Variants in AMZ1 observed in about 807,000 individuals in gnomAD.
The protein encoded by AMZ1 is archaemetzincin-1.
AMZ1 carries 39 observed loss-of-function variants against 29.9 expected under a neutral mutation model. That is an observed-to-expected ratio of 1.30 (90% CI 1.01 to 1.70). The LOEUF (loss-of-function observed/expected upper bound fraction) is 1.70. Among genes scored for constraint, AMZ1 ranks in the 40% most tolerant of loss-of-function variants. AMZ1 has a pLI of 0.00. For missense variants in AMZ1, 1,041 were observed against 680.6 expected (o/e 1.53, Z -5.89); for synonymous variants, 458 against 304.0 (o/e 1.51, Z -5.27).
At chr7:2,685,883 T>C (rs1009371365), upstream of AMZ1, among the ~76,000 whole-genome samples, 3 of 149,300 alleles carry the variant, frequency 2.0e-5, no homozygotes, top group Admixed American at 1.3e-4. Context: ...AAAAAGAACA[T>C]TCATCTTTTC....
intron 2 of AMZ1, 61 bp from the exon 3 acceptor site, chr7:2,702,661 G>A (rs767091485): frequency 2.0e-5 from 29 of 1,471,350 alleles, no homozygotes; most frequent in Non-Finnish European, 2.0e-5. Flanking sequence ...AGTGATTCCC[G>A]GGGAGAGGGT....
Position 2,713,946 on chromosome 7 carries a change from G to C in AMZ1, c.*1068G>C, listed in dbSNP as rs1788965747. On this transcript the variant is annotated 3_prime_UTR_variant, in exon 7 of 7. Transcript: ENST00000683327. ...TTTCGGTCTAGTTCTGTCAGTTGCT[G>C]AGAGAGGGGTATTATTGCCATGGCT... 1 of 152,150 alleles carries C rather than the reference G, an allele frequency of 6.6e-6. No homozygotes were observed. Among genetic ancestry groups the C allele is most frequent in the African/African-American group, 2.4e-5 (1 of 41,400 alleles). 9.4% of individuals were successfully genotyped at this position (152,150 alleles called of 1,614,324 possible). A position where few individuals can be genotyped will look rare whatever the true frequency, so the allele number is the denominator to read the frequency against.
chr7:2,728,484 AAG>A (rs1789722865), intron 4 of AMZ1: 1 of 152,390 alleles, frequency 6.6e-6, no homozygotes, highest in African/African-American at 2.4e-5. Context: ...CTACGAACAT[AAG>A]AGTTAAAAAT....
upstream of AMZ1, among the ~76,000 whole-genome samples, chr7:2,760,737 C>T (rs755280399): frequency 2.0e-5 from 3 of 152,338 alleles, no homozygotes; most frequent in South Asian, 2.1e-4. Context: ...AGTTTAGCTA[C>T]GACCATTTCT....
chr7:2,696,763 G>T (rs1055254034), intron 1 of AMZ1, among the ~76,000 whole-genome samples: 1 of 152,028 alleles, frequency 6.6e-6, no homozygotes, highest in Non-Finnish European at 1.5e-5. Context: ...GTGGGTGCCT[G>T]TAGTCCCAAC....
intron 1 of AMZ1, among the ~76,000 whole-genome samples, chr7:2,695,927 T>G (rs1197018737): frequency 6.6e-6 from 1 of 150,380 alleles, no homozygotes; most frequent in Non-Finnish European, 1.5e-5. Flanking sequence ...GGAGAATCGC[T>G]TGAACCCGGA....
intron 4 of AMZ1, among the ~76,000 whole-genome samples, chr7:2,737,140 T>C (rs755766179): frequency 1.6e-4 from 24 of 152,078 alleles, no homozygotes; most frequent in Admixed American, 1.2e-3. Flanking sequence ...GATGTAAGCG[T>C]CTAAGTAGGG....
rs543952164 is a variant in AMZ1, at chr7:2,698,405, G to A, written c.-218-1829G>A. Among the ~76,000 whole-genome samples the A allele has an allele frequency of 5.9e-5, 9 of 151,812 alleles. No homozygotes were observed. In the South Asian group the frequency reaches 6.3e-4, roughly 11 times the overall value. ...ACACAAAAATTAGCCTAGCATGGTC[G>A]GGGGCACCTGTAATCCCAGCCACTT... is the stretch of plus-strand genomic sequence containing the variant. On this transcript the variant is annotated intron_variant, in intron 1 of 6. Coordinates refer to ENST00000683327, the MANE Select transcript of AMZ1 (RefSeq NM_001384743.1).
chr7:2,732,743 A>C (rs1185688361), intron 4 of AMZ1, among the ~76,000 whole-genome samples: 1 of 152,196 alleles, frequency 6.6e-6, no homozygotes, highest in African/African-American at 2.4e-5. Flanking sequence ...GTGGAAGAGC[A>C]AAGTCCACAT....
upstream of AMZ1, among the ~76,000 whole-genome samples, chr7:2,685,685 T>G (rs1787052444): frequency 1.3e-5 from 2 of 151,256 alleles, no homozygotes; most frequent in Non-Finnish European, 1.5e-5. Context: ...AAACCCCATC[T>G]CTACTAAAAA....
chr7:2,743,849 T>TA (rs1376010235), intron 4 of AMZ1, among the ~76,000 whole-genome samples: 1 of 151,900 alleles, frequency 6.6e-6, no homozygotes, highest in Non-Finnish European at 1.5e-5. Flanking sequence ...CCAACAGGCT[T>TA]AAAAAACGGC....
At position 2,719,336 on chromosome 7, in the gene AMZ1, A is replaced by G. The variant is rs1274285509; in HGVS notation, c.*6458A>G. Among the ~76,000 whole-genome samples the G allele has an allele frequency of 6.6e-6, 1 of 152,224 alleles. No homozygotes were observed. The highest frequency in any genetic ancestry group is 1.5e-5 in the Non-Finnish European group (1 of 68,036). Reference sequence around the variant, plus strand: ...ACCTGATGTCTGTCACGGACCCCCAAGCAGGAGCAATGCCTAAAGAGGGCA... The same window carrying G: ...ACCTGATGTCTGTCACGGACCCCCAGGCAGGAGCAATGCCTAAAGAGGGCA... On this transcript the variant is annotated 3_prime_UTR_variant, in exon 7 of 7. Coordinates refer to ENST00000683327, the MANE Select transcript of AMZ1 (RefSeq NM_001384743.1).
At position 2,713,733 on chromosome 7, in the gene AMZ1, C is replaced by T. The variant is rs562637858; in HGVS notation, c.*855C>T. On this transcript the variant is annotated 3_prime_UTR_variant, in exon 7 of 7. Coordinates refer to ENST00000683327, the MANE Select transcript of AMZ1 (RefSeq NM_001384743.1). ...CTCCAGGCATCTCTTCTGACAAACA[C>T]TGCAGGAGGTGAGGGTGTCTGACGT... The T allele has an allele frequency of 3.9e-5, 6 of 152,670 alleles. No individual in the cohort carries two copies. The highest frequency in any genetic ancestry group is 8.8e-5 in the Non-Finnish European group (6 of 68,176). 9.5% of individuals were successfully genotyped at this position (152,670 alleles called of 1,614,324 possible). A position where few individuals can be genotyped will look rare whatever the true frequency, so the allele number is the denominator to read the frequency against.
rs1204362699 is a variant in AMZ1, at chr7:2,712,746, CAG to C, written c.1366_1367del (p.Ser456GlnfsTer91). On this transcript the variant is annotated frameshift_variant, in exon 7 of 7. Coordinates refer to ENST00000683327, the MANE Select transcript of AMZ1 (RefSeq NM_001384743.1). LOFTEE classifies it low-confidence loss of function (END_TRUNC). The part of the protein sequence containing the change: ...QLPATRQDPP[S>X]SRDSVGLRKV... The stretch of plus-strand genomic sequence containing the variant: ...TCCCGGCCACCAGGCAGGACCCACC[CAG>C]CAGCAGGGACAGCGTGGGGCTGCGC... 1.2e-5 allele frequency: 19 copies of C among 1,604,832 alleles called. No individual in the cohort carries two copies. The highest frequency in any genetic ancestry group is 1.4e-5 in the Non-Finnish European group (16 of 1,174,808).
At chr7:2,720,028 G>C (rs185427619), downstream of AMZ1, among the ~76,000 whole-genome samples, 1 of 152,204 alleles carries the variant, frequency 6.6e-6, no homozygotes, top group Non-Finnish European at 1.5e-5. Flanking sequence ...ATGAAATTCT[G>C]GAAGGCTAAA....
intron 4 of AMZ1, among the ~76,000 whole-genome samples, chr7:2,748,201 A>C (rs922508660): frequency 6.6e-6 from 1 of 151,162 alleles, no homozygotes; most frequent in Non-Finnish European, 1.5e-5. Flanking sequence ...TGCATCGCCA[A>C]GTCAATCCTA....
rs1454165714 is a variant in AMZ1, at chr7:2,712,897, A to G, written c.*19A>G. 1.3e-6 allele frequency: 2 copies of G among 1,508,668 alleles called. No homozygotes were observed. The highest frequency in any genetic ancestry group is 1.3e-5 in the South Asian group (1 of 74,446). The allele number at this position is 1,508,668 out of a possible 1,614,324, so 93.5% of individuals were successfully genotyped here. ...GAGTTAGTACAGCAGGGGCTGCCCT[A>G]CGTCTCCTTCCCTAAGGATGCTGGC... On this transcript the variant is annotated 3_prime_UTR_variant, in exon 7 of 7. Transcript: ENST00000683327.
downstream of AMZ1, among the ~76,000 whole-genome samples, chr7:2,723,552 G>C (rs569367243): frequency 9.9e-5 from 15 of 152,250 alleles, no homozygotes; most frequent in Non-Finnish European, 1.6e-4. Context: ...TTGGGAGCCA[G>C]CTGTCGGACT....
intron 4 of AMZ1, among the ~76,000 whole-genome samples, chr7:2,732,703 C>T (rs1194094487): frequency 6.6e-6 from 1 of 152,088 alleles, no homozygotes; most frequent in African/African-American, 2.4e-5. Flanking sequence ...GTGCAGGGGA[C>T]AGAGAAACAT....
Sources: gnomAD v4.1 joint callset for allele counts (sites outside exome capture counted in the v4.1 genomes callset) on GRCh38, gnomAD v4.1.1 for gene constraint, MANE v1.5 for transcripts, NCBI Gene and HGNC (gene_info 2026-07-23, HGNC 2026-07-21) for gene names.